Variants in GRIN2B observed in about 807,000 individuals in gnomAD.
GRIN2B encodes glutamate ionotropic receptor NMDA type subunit 2B, also known as glutamate receptor ionotropic, NMDA 2B.
A neutral mutation model predicts 114.5 loss-of-function variants in GRIN2B; 5 were observed. The ratio of observed to expected loss-of-function variants is 0.04; its 90% CI spans 0.02 to 0.09. The LOEUF is 0.09. GRIN2B is among the 10% of genes least tolerant of loss of function. The probability of loss-of-function intolerance (pLI) is 1.00; values close to 1 mark genes in which losing one functional copy is unlikely to be tolerated. For synonymous variants in GRIN2B, 787 were observed against 745.1 expected, an observed-to-expected ratio of 1.06 and a Z score of -0.92; for missense variants, 1,108 against 1,943.5, an observed-to-expected ratio of 0.57 and a Z score of 8.08.
At chr12:13,716,159 C>A (rs1175925608) in intron 4 of GRIN2B, among the ~76,000 whole-genome samples, 2 of 151,872 alleles carry the variant, frequency 1.3e-5, no homozygotes, top group Non-Finnish European at 2.9e-5. Flanking sequence ...ATTTATAATA[C>A]CTCTGTATCT....
chr12:13,731,977 T>C (rs1484294917), intron 4 of GRIN2B, among the ~76,000 whole-genome samples: 1 of 152,212 alleles, frequency 6.6e-6, no homozygotes, highest in Non-Finnish European at 1.5e-5. Flanking sequence ...TATTGGTTAA[T>C]AGTAACACTC....
At chr12:13,644,515 A>G (rs1420367226) in intron 5 of GRIN2B, among the ~76,000 whole-genome samples, 1 of 152,154 alleles carries the variant, frequency 6.6e-6, no homozygotes, top group Non-Finnish European at 1.5e-5. Context: ...ACTGGCTTCA[A>G]CTTAAAATCA....
chr12:13,704,580 C>T (rs1950342198), intron 4 of GRIN2B, among the ~76,000 whole-genome samples: 1 of 152,088 alleles, frequency 6.6e-6, no homozygotes, highest in Non-Finnish European at 1.5e-5. Flanking sequence ...CACCCACATA[C>T]CCACCTAATC....
chr12:13,907,289 G>A (rs985929929), intron 2 of GRIN2B, among the ~76,000 whole-genome samples: 2 of 152,096 alleles, frequency 1.3e-5, no homozygotes, highest in African/African-American at 4.8e-5. Context: ...TCCACAGTTC[G>A]AGACCAGTCT....
At chr12:13,683,535 A>G (rs750623170) in intron 4 of GRIN2B, 3 of 153,126 alleles carry the variant, frequency 2.0e-5, no homozygotes, top group Non-Finnish European at 4.4e-5. Flanking sequence ...TTCGATATAT[A>G]TAAAGGGGAT....
chr12:13,743,031 C>T (rs1863312625), intron 4 of GRIN2B, among the ~76,000 whole-genome samples: 1 of 152,174 alleles, frequency 6.6e-6, no homozygotes, highest in South Asian at 2.1e-4. Flanking sequence ...GTCCTGATGA[C>T]ATGCAGCTGT....
At chr12:13,638,257 C>T (rs567909071) in intron 5 of GRIN2B, among the ~76,000 whole-genome samples, 1 of 152,220 alleles carries the variant, frequency 6.6e-6, no homozygotes, top group South Asian at 2.1e-4. Context: ...CACTATTGTT[C>T]ACAAGGTTAC....
rs953637086 is a variant in GRIN2B, at chr12:13,596,097, A to G, written c.2010+12506T>C. Among the ~76,000 whole-genome samples, 127 of 151,912 alleles carry G rather than the reference A, an allele frequency of 8.4e-4. 1 individual carries two copies. The highest frequency in any genetic ancestry group is 2.9e-3 in the African/African-American group (119 of 41,426). ...GAGGTCCTCAGCTGCAGAGTCCTTC[A>G]TGACACAATGCTGTTAGCCATCTTG... is the stretch of plus-strand genomic sequence containing the variant. On this transcript the variant is annotated intron_variant, in intron 10 of 13. Transcript: ENST00000609686.
chr12:13,939,984 A>G (rs1867210073), intron 2 of GRIN2B, among the ~76,000 whole-genome samples: 1 of 152,150 alleles, frequency 6.6e-6, no homozygotes, highest in African/African-American at 2.4e-5. Flanking sequence ...GGAAGTAACC[A>G]CAGTGACCTG....
Position 13,894,497 on chromosome 12 carries a change from A to G in GRIN2B, c.-18-28271T>C, listed in dbSNP as rs1435172554. 1.2e-4 allele frequency among the ~76,000 whole-genome samples: 18 copies of G among 152,294 alleles called. No homozygotes were observed. The East Asian group carries it at 2.1e-3, about 18-fold the overall frequency. ...GAGCACCAAAAAACGGTGTGATTTC[A>G]TCTATTTTAAAATGCATAGAAAAAT... is the stretch of plus-strand genomic sequence containing the variant. On this transcript the variant is annotated intron_variant, in intron 2 of 13. Transcript: ENST00000609686.
intron 10 of GRIN2B, among the ~76,000 whole-genome samples, chr12:13,597,763 T>A (rs1234773623): frequency 6.6e-6 from 1 of 152,216 alleles, no homozygotes; most frequent in South Asian, 2.1e-4. Flanking sequence ...TTTGTTCAGT[T>A]CTTTGTTCAA....
At chr12:13,968,229 A>G (rs185832636) in intron 2 of GRIN2B, among the ~76,000 whole-genome samples, 128 of 152,354 alleles carry the variant, frequency 8.4e-4, no homozygotes, top group Non-Finnish European at 4.1e-4. Flanking sequence ...GAGTGGATGC[A>G]TTGAATTCAA....
chr12:13,773,745 GC>G (rs929922937), intron 3 of GRIN2B, among the ~76,000 whole-genome samples: 1 of 152,148 alleles, frequency 6.6e-6, no homozygotes, highest in African/African-American at 2.4e-5. Context: ...ACCATGGACA[GC>G]AAAGAAAAAT....
chr12:13,730,993 GT>G (rs1332651306), intron 4 of GRIN2B, among the ~76,000 whole-genome samples: 1 of 152,038 alleles, frequency 6.6e-6, no homozygotes, highest in Non-Finnish European at 1.5e-5. Flanking sequence ...CCAGGCCTGT[GT>G]CCTTCACTGA....
Position 13,899,468 on chromosome 12 carries a change from G to T in GRIN2B, c.-18-33242C>A, listed in dbSNP as rs1291951172. 3.7e-5 allele frequency among the ~76,000 whole-genome samples: 4 copies of T among 108,182 alleles called. 1 individual carries two copies. Among genetic ancestry groups the T allele is most frequent in the Non-Finnish European group, 1.0e-4 (4 of 38,816 alleles). The allele number at this position is 108,182 out of a possible 152,430, so 71.0% of individuals were successfully genotyped here. On this transcript the variant is annotated intron_variant, in intron 2 of 13. Transcript: ENST00000609686. Reference sequence around the variant, plus strand: ...TATGTAAGCCATGTTCAACCCAAATGAAAATGAAAATAGGCAGCAATGTCC... The same window carrying T: ...TATGTAAGCCATGTTCAACCCAAATTAAAATGAAAATAGGCAGCAATGTCC...
intron 10 of GRIN2B, among the ~76,000 whole-genome samples, chr12:13,597,322 G>A (rs1276488241): frequency 6.6e-6 from 1 of 152,184 alleles, no homozygotes; most frequent in African/African-American, 2.4e-5. Flanking sequence ...GGGCCTGGGG[G>A]CAGGGAACCT....
chr12:13,681,176 C>T (rs1950128570), intron 4 of GRIN2B, among the ~76,000 whole-genome samples: 1 of 152,122 alleles, frequency 6.6e-6, no homozygotes, highest in East Asian at 1.9e-4. Flanking sequence ...ACTTACTTTA[C>T]CCCGCATGTC....
intron 4 of GRIN2B, among the ~76,000 whole-genome samples, chr12:13,740,768 T>C (rs574370671): frequency 7.9e-5 from 12 of 152,322 alleles, no homozygotes; most frequent in African/African-American, 2.9e-4. Flanking sequence ...CAAGTTGTTG[T>C]TTTTTCCTCT....
intron 2 of GRIN2B, among the ~76,000 whole-genome samples, chr12:13,903,432 T>C (rs1591612680): frequency 6.6e-6 from 1 of 152,160 alleles, no homozygotes; most frequent in Admixed American, 6.5e-5. Flanking sequence ...ATTTTAGTTA[T>C]TGTTCAATTC....
Sources: allele counts gnomAD v4.1 joint callset (sites outside exome capture counted in the v4.1 genomes callset), GRCh38; gene constraint gnomAD v4.1.1; transcripts MANE v1.5; gene names NCBI Gene and HGNC (gene_info 2026-07-23, HGNC 2026-07-21).